Variants in NIPSNAP2 observed in about 807,000 individuals in gnomAD.
NIPSNAP2 encodes the protein nipsnap homolog 2.
A neutral mutation model predicts 48.4 loss-of-function variants in NIPSNAP2; 42 were observed. That is an observed-to-expected ratio of 0.87 (90% CI 0.68 to 1.12). The LOEUF (loss-of-function observed/expected upper bound fraction) is 1.12. Ranked by LOEUF, NIPSNAP2 falls within the 50% of genes most tolerant of loss-of-function variation. The probability of loss-of-function intolerance (pLI) is 0.00; values close to 1 mark genes in which losing one functional copy is unlikely to be tolerated. For missense variants in NIPSNAP2, 314 were observed against 347.3 expected (o/e 0.90, Z 0.76); for synonymous variants, 158 against 126.6 (o/e 1.25, Z -1.67).
At position 55,978,226 on chromosome 7, in the gene NIPSNAP2, C is replaced by T. The variant is rs1260596881; in HGVS notation, c.193C>T (p.Leu65=). The T allele has an allele frequency of 1.2e-6, 2 of 1,614,170 alleles. No homozygotes were observed. Among genetic ancestry groups the T allele is most frequent in the Non-Finnish European group, 1.7e-6 (2 of 1,180,028 alleles). The change falls in exon 2 of 10, where the codon CTA becomes TTA. Residue 65 remains leucine (L), a synonymous_variant. Coordinates refer to ENST00000322090, the MANE Select transcript of NIPSNAP2 (RefSeq NM_001483.3). Reference sequence around the variant, plus strand: ...AAGAAAAGATGCCCACTCCAATCTCCTAGCCAAAAAGGAAACAAGCAATCT... The same window carrying T: ...AAGAAAAGATGCCCACTCCAATCTCTTAGCCAAAAAGGAAACAAGCAATCT... ...DPRKDAHSNL[L]AKKETSNLYK...
Position 55,995,282 on chromosome 7 carries a change from T to C in NIPSNAP2, c.712+294T>C, listed in dbSNP as rs377106548. 2.0e-5 allele frequency among the ~76,000 whole-genome samples: 3 copies of C among 151,834 alleles called. No homozygotes were observed. In the East Asian group the frequency reaches 5.8e-4, roughly 29 times the overall value. ...GAAGTCAAGAGTGCCTTCCACAGAG[T>C]GGTCCCAGCCTTTCTTTGTAGACTG... On this transcript the variant is annotated intron_variant, in intron 8 of 9. Transcript: ENST00000322090.
rs774704993 is a variant in NIPSNAP2, at chr7:55,981,577, G to T, written c.373+10G>T. The T allele has an allele frequency of 1.3e-6, 2 of 1,588,880 alleles. No homozygotes were observed. Among genetic ancestry groups the T allele is most frequent in the South Asian group, 1.1e-5 (1 of 90,160 alleles). On this transcript the variant is annotated intron_variant, in intron 4 of 9. Coordinates refer to ENST00000322090, the MANE Select transcript of NIPSNAP2 (RefSeq NM_001483.3). ...GAGCAGGACCAAGCTGGTAGGAAGC[G>T]AAGTCTTTGGAATAAACACTTCTTC...
chr7:55,968,384 CTTT>C (rs558409351), intron 1 of NIPSNAP2, among the ~76,000 whole-genome samples: 6,398 of 139,892 alleles, frequency 0.046, 161 homozygotes, highest in Admixed American at 0.066. Flanking sequence ...ACTCTACTTT[CTTT>C]TTTTTTTTTT....
At chr7:55,992,334 T>TA (rs1222194140) in intron 7 of NIPSNAP2, among the ~76,000 whole-genome samples, 1 of 151,910 alleles carries the variant, frequency 6.6e-6, no homozygotes, top group Non-Finnish European at 1.5e-5. Context: ...TAATAAAAAA[T>TA]AAAAAATTGG....
At chr7:55,998,603 C>T (rs187194776) in intron 9 of NIPSNAP2, among the ~76,000 whole-genome samples, 2,033 of 142,498 alleles carry the variant, frequency 0.014, 53 homozygotes, top group African/African-American at 0.049. Context: ...CGGTTTCAAG[C>T]GATTCTCCCG....
chr7:55,982,798 A>ATGCTTTGAAACTGATAAGGTGG (rs1787244622), intron 5 of NIPSNAP2, among the ~76,000 whole-genome samples: 1 of 151,680 alleles, frequency 6.6e-6, no homozygotes, highest in Non-Finnish European at 1.5e-5. Context: ...AAAGTCAATT[A>ATGCTTTGAAACTGATAAGGTGG]TGCTTTGAAA....
intron 1 of NIPSNAP2, among the ~76,000 whole-genome samples, chr7:55,977,792 AC>A (rs1419671904): frequency 2.7e-5 from 4 of 149,280 alleles, no homozygotes; most frequent in Non-Finnish European, 6.0e-5. Flanking sequence ...CCCTTTCCTC[AC>A]CTCCTGGCAA....
intron 8 of NIPSNAP2, among the ~76,000 whole-genome samples, chr7:55,996,748 C>T (rs1218523697): frequency 6.6e-6 from 1 of 152,170 alleles, no homozygotes; most frequent in East Asian, 1.9e-4. Flanking sequence ...GGAATTGTGT[C>T]TGGATGTGGT....
chr7:55,971,335 G>C (rs2116332637), intron 1 of NIPSNAP2, among the ~76,000 whole-genome samples: 1 of 152,284 alleles, frequency 6.6e-6, no homozygotes, highest in Middle Eastern at 3.4e-3. Flanking sequence ...ACAAGCAAAT[G>C]CCACTCAGGT....
intron 1 of NIPSNAP2, among the ~76,000 whole-genome samples, chr7:55,967,329 A>C (rs960114180): frequency 6.6e-6 from 1 of 152,178 alleles, no homozygotes; most frequent in East Asian, 1.9e-4. Flanking sequence ...ATCATTTACC[A>C]AATCTGTCAG....
chr7:55,996,398 G>A (rs555453047), intron 8 of NIPSNAP2, among the ~76,000 whole-genome samples: 3 of 151,870 alleles, frequency 2.0e-5, no homozygotes, highest in East Asian at 1.9e-4. Context: ...CTATTCCTAC[G>A]TCAGTGATGT....
Position 55,978,415 on chromosome 7 carries a change from C to A in NIPSNAP2, c.278+20C>A. 1 of 1,590,592 alleles carries A rather than the reference C, an allele frequency of 6.3e-7. No homozygotes were observed. Among genetic ancestry groups the A allele is most frequent in the Non-Finnish European group, 8.6e-7 (1 of 1,167,064 alleles). ...AATTTGGTGTGTATACCAAACTATC[C>A]TTTACTTGGGGAAAAATAATGACTT... On this transcript the variant is annotated intron_variant, in intron 3 of 9. Transcript: ENST00000322090.
intron 1 of NIPSNAP2, among the ~76,000 whole-genome samples, chr7:55,968,180 C>G (rs1339342086): frequency 2.0e-5 from 3 of 152,136 alleles, no homozygotes; most frequent in Non-Finnish European, 1.5e-5. Context: ...TCCTCCCTGT[C>G]TGCCCCCATT....
chr7:55,978,095 A>G, intron 1 of NIPSNAP2, 31 bp from the exon 2 acceptor site: 4 of 1,612,916 alleles, frequency 2.5e-6, no homozygotes, highest in Non-Finnish European at 3.4e-6. Context: ...AAAACAGTAT[A>G]CTGCGTGACA....
At chr7:55,979,685 A>C (rs544787634) in intron 3 of NIPSNAP2, 2 of 440,976 alleles carry the variant, frequency 4.5e-6, no homozygotes, top group Non-Finnish European at 9.1e-6. Context: ...CATTACCCCA[A>C]AGTTTGTCAG....
intron 3 of NIPSNAP2, chr7:55,979,989 G>T (rs373659818): frequency 2.6e-6 from 1 of 388,954 alleles, no homozygotes; most frequent in Non-Finnish European, 5.1e-6. Context: ...GGGCCCCGTT[G>T]CCAGGCCCCT....
At position 55,964,700 on chromosome 7, in the gene NIPSNAP2, C is replaced by T; in HGVS notation, c.91C>T (p.Arg31Trp). Reference protein sequence around the residue: ...AAPCSLLPRLRTWTSSSNRSR... With the variant: ...AAPCSLLPRLWTWTSSSNRSR... ...CCCCTGCAGCCTCCTGCCCAGGCTC[C>T]GGTGAGCAGCGCCGCCCTTCCCGGG... Residue 31 changes from arginine (R) to tryptophan (W), a missense_variant and splice_region_variant, in exon 1 of 10, where the codon CGG becomes TGG. By Grantham distance (101) the Arg-to-Trp change is moderately radical (BLOSUM62 -3). Coordinates refer to ENST00000322090, the MANE Select transcript of NIPSNAP2 (RefSeq NM_001483.3). 1 of 1,121,434 alleles carries T rather than the reference C, an allele frequency of 8.9e-7. No individual in the cohort carries two copies. The highest frequency in any genetic ancestry group is 1.1e-6 in the Non-Finnish European group (1 of 917,106). The allele number at this position is 1,121,434 out of a possible 1,614,324, so 69.5% of individuals were successfully genotyped here. A position where few individuals can be genotyped will look rare whatever the true frequency, so the allele number is the denominator to read the frequency against.
intron 1 of NIPSNAP2, among the ~76,000 whole-genome samples, chr7:55,965,592 A>G (rs1400299774): frequency 2.6e-5 from 4 of 151,912 alleles, no homozygotes; most frequent in African/African-American, 9.7e-5. Flanking sequence ...ATTTATTTAT[A>G]TTTTTGAGAC....
In NIPSNAP2 at chr7:55,981,564, G is replaced by C; in HGVS notation, c.370G>C (p.Ala124Pro). ...CACGTGGTATGGCGAGCAGGACCAA[G>C]CTGGTAGGAAGCGAAGTCTTTGGAA... ...WNTWYGEQDQAVHLWRYEGGY... is the reference protein window; with the variant it reads ...WNTWYGEQDQPVHLWRYEGGY... Residue 124 changes from alanine to proline, a missense_variant, in exon 4 of 10, where the codon GCT becomes CCT. By Grantham distance (27) the Ala-to-Pro change is conservative. Transcript: ENST00000322090. 1.2e-6 allele frequency: 2 copies of C among 1,611,672 alleles called. No homozygotes were observed. The highest frequency in any genetic ancestry group is 1.7e-6 in the Non-Finnish European group (2 of 1,178,058).
Sources: gnomAD v4.1 joint callset for allele counts (sites outside exome capture counted in the v4.1 genomes callset) on GRCh38, gnomAD v4.1.1 for gene constraint, MANE v1.5 for transcripts, NCBI Gene and HGNC (gene_info 2026-07-23, HGNC 2026-07-21) for gene names.